Variants in MMP16 observed in about 807,000 individuals in gnomAD.
The protein encoded by MMP16 is matrix metalloproteinase-16.
MMP16 carries 12 observed loss-of-function variants against 67.8 expected under a neutral mutation model. The observed-to-expected ratio is 0.18, with a 90% confidence interval of 0.11 to 0.29. The LOEUF (loss-of-function observed/expected upper bound fraction) is 0.29, where lower values mean the gene tolerates loss of function less well. Among genes scored for constraint, MMP16 ranks in the 10% least tolerant of loss-of-function variants. The pLI is 1.00. For missense variants in MMP16, 475 were observed against 765.7 expected, an observed-to-expected ratio of 0.62 and a Z score of 4.48; for synonymous variants, 249 against 255.9, an observed-to-expected ratio of 0.97 and a Z score of 0.26.
chr8:88,098,738 T>A (rs1452653201), intron 6 of MMP16, among the ~76,000 whole-genome samples: 2 of 151,950 alleles, frequency 1.3e-5, no homozygotes. Context: ...CCGGCTCTCA[T>A]CTGACACCTA....
intron 1 of MMP16, among the ~76,000 whole-genome samples, chr8:88,322,564 C>T (rs1471148384): frequency 6.6e-6 from 1 of 151,582 alleles, no homozygotes; most frequent in Non-Finnish European, 1.5e-5. Context: ...TGTGGTGGCT[C>T]ATGTCTGTAA....
intron 6 of MMP16, among the ~76,000 whole-genome samples, chr8:88,104,260 T>C (rs1040219385): frequency 2.0e-5 from 3 of 151,812 alleles, no homozygotes; most frequent in African/African-American, 7.2e-5. Flanking sequence ...ATTTTAATAA[T>C]AAAATTCATG....
chr8:88,101,847 A>G (rs1011727548), intron 6 of MMP16, among the ~76,000 whole-genome samples: 7 of 151,846 alleles, frequency 4.6e-5, no homozygotes, highest in African/African-American at 1.7e-4. Flanking sequence ...TTTCTCATCC[A>G]GTTCCAGATA....
At chr8:88,285,312 A>G (rs1585999257) in intron 1 of MMP16, among the ~76,000 whole-genome samples, 1 of 151,788 alleles carries the variant, frequency 6.6e-6, no homozygotes, top group Non-Finnish European at 1.5e-5. Flanking sequence ...GCTAATTTTT[A>G]TATTTTTAGT....
rs112295025 is a variant in MMP16 at position 88,130,759 on chromosome 8, CGTGTGTGT to C, written c.710-11906_710-11899del. Among the ~76,000 whole-genome samples, 10 of 146,622 alleles carry C rather than the reference CGTGTGTGT, an allele frequency of 6.8e-5. No individual in the cohort carries two copies. In the East Asian group the frequency reaches 8.2e-4, roughly 12 times the overall value. On this transcript the variant is annotated intron_variant, in intron 4 of 9. Coordinates refer to ENST00000286614, the MANE Select transcript of MMP16 (RefSeq NM_005941.5). ...CATAACCTAAATGTCTTGTGAAATA[CGTGTGTGT>C]GTGTGTGTGTGTGTGTGTGTGTGGT...
chr8:88,271,443 T>C (rs1810560345), intron 1 of MMP16, among the ~76,000 whole-genome samples: 1 of 152,044 alleles, frequency 6.6e-6, no homozygotes, highest in Non-Finnish European at 1.5e-5. Flanking sequence ...GAGCACAATG[T>C]GTGACTCATA....
At chr8:88,223,052 T>C (rs757061800) in intron 1 of MMP16, among the ~76,000 whole-genome samples, 3 of 152,010 alleles carry the variant, frequency 2.0e-5, no homozygotes, top group Non-Finnish European at 4.4e-5. Context: ...AACAGACACT[T>C]CTCAAAAGAC....
intron 1 of MMP16, among the ~76,000 whole-genome samples, chr8:88,203,429 A>G (rs1169220238): frequency 6.6e-6 from 1 of 152,112 alleles, no homozygotes; most frequent in African/African-American, 2.4e-5. Context: ...TAAAATGTGC[A>G]CATCCACACA....
chr8:88,185,774 T>C (rs1052927483), intron 3 of MMP16, among the ~76,000 whole-genome samples: 2 of 152,154 alleles, frequency 1.3e-5, no homozygotes, highest in Non-Finnish European at 2.9e-5. Flanking sequence ...GACCCTGGTT[T>C]ACATTTCTCT....
chr8:88,294,302 G>C (rs563580054), intron 1 of MMP16, among the ~76,000 whole-genome samples: 1 of 149,392 alleles, frequency 6.7e-6, no homozygotes, highest in Non-Finnish European at 1.5e-5. Context: ...ATGTATATAT[G>C]TATATATGTA....
At chr8:88,082,577 G>A (rs1808770105) in intron 6 of MMP16, among the ~76,000 whole-genome samples, 1 of 152,092 alleles carries the variant, frequency 6.6e-6, no homozygotes, top group East Asian at 1.9e-4. Flanking sequence ...AAAAGAGGAT[G>A]GGAAAATTTA....
intron 4 of MMP16, among the ~76,000 whole-genome samples, chr8:88,148,502 T>C (rs1808333879): frequency 6.6e-6 from 1 of 152,230 alleles, no homozygotes; most frequent in Non-Finnish European, 1.5e-5. Context: ...TGTGTATGTA[T>C]GTGTATCATT....
chr8:88,129,299 C>A (rs1438136787), intron 4 of MMP16, among the ~76,000 whole-genome samples: 1 of 151,682 alleles, frequency 6.6e-6, no homozygotes, highest in African/African-American at 2.4e-5. Flanking sequence ...CCACCTAATT[C>A]ATTTTTTTAT....
At chr8:88,042,309 A>G (rs1388128580) in intron 9 of MMP16, among the ~76,000 whole-genome samples, 3 of 152,190 alleles carry the variant, frequency 2.0e-5, no homozygotes, top group Admixed American at 6.5e-5. Flanking sequence ...AGTATCAGGA[A>G]TCTGTGCTCC....
chr8:88,183,977 C>A (rs1202494681), intron 3 of MMP16, among the ~76,000 whole-genome samples: 5 of 151,940 alleles, frequency 3.3e-5, no homozygotes, highest in Non-Finnish European at 7.4e-5. Context: ...AACTCCGGAG[C>A]TCAAGTGATC....
At chr8:88,071,084 T>C (rs973657964) in intron 7 of MMP16, among the ~76,000 whole-genome samples, 7 of 152,104 alleles carry the variant, frequency 4.6e-5, no homozygotes, top group Non-Finnish European at 5.9e-5. Flanking sequence ...TCCCACTTCA[T>C]ATGATATACA....
chr8:88,122,982 G>C (rs1807865449), intron 4 of MMP16, among the ~76,000 whole-genome samples: 1 of 150,906 alleles, frequency 6.6e-6, no homozygotes, highest in Admixed American at 6.7e-5. Context: ...TCATATGAGT[G>C]CAGCCCCGGC....
intron 1 of MMP16, among the ~76,000 whole-genome samples, chr8:88,201,666 A>G (rs902747371): frequency 7.2e-5 from 11 of 152,168 alleles, no homozygotes; most frequent in Non-Finnish European, 2.9e-5. Context: ...ATGAAATTCA[A>G]CTGAAAGAAT....
chr8:88,270,247 C>A (rs1585990528), intron 1 of MMP16, among the ~76,000 whole-genome samples: 1 of 152,264 alleles, frequency 6.6e-6, no homozygotes, highest in East Asian at 1.9e-4. Flanking sequence ...TCAAGTCAGG[C>A]AATCAATGAA....
Sources: gnomAD v4.1 joint callset for allele counts (sites outside exome capture counted in the v4.1 genomes callset) on GRCh38, gnomAD v4.1.1 for gene constraint, MANE v1.5 for transcripts, NCBI Gene and HGNC (gene_info 2026-07-23, HGNC 2026-07-21) for gene names.